The following CCDC60 variants were observed in gnomAD, a reference collection of about 807,000 sequenced individuals.
CCDC60 encodes coiled-coil domain-containing protein 60.
In CCDC60, 54 loss-of-function variants were observed where a neutral mutation model predicts 63.5. The ratio of observed to expected loss-of-function variants is 0.85; its 90% CI spans 0.68 to 1.07. The LOEUF (loss-of-function observed/expected upper bound fraction) is 1.07, where lower values mean the gene tolerates loss of function less well. CCDC60 is among the 50% of genes least tolerant of loss of function. The pLI is 0.00. For missense variants in CCDC60, 651 were observed against 684.3 expected (o/e 0.95, Z 0.54); for synonymous variants, 206 against 238.8 (o/e 0.86, Z 1.27).
intron 1 of CCDC60, among the ~76,000 whole-genome samples, chr12:119,355,285 C>T (rs183584640): frequency 1.3e-5 from 2 of 152,306 alleles, no homozygotes; most frequent in East Asian, 1.9e-4. Flanking sequence ...CAGGCACATA[C>T]TCAGAGCTCA....
chr12:119,408,104 T>G (rs188760804), intron 1 of CCDC60, among the ~76,000 whole-genome samples: 1 of 152,236 alleles, frequency 6.6e-6, no homozygotes, highest in Non-Finnish European at 1.5e-5. Context: ...GAGACTGTTA[T>G]AGTCAAAGAA....
At chr12:119,356,351 C>T (rs1955718335) in intron 1 of CCDC60, among the ~76,000 whole-genome samples, 1 of 151,932 alleles carries the variant, frequency 6.6e-6, no homozygotes, top group Non-Finnish European at 1.5e-5. Flanking sequence ...CATAGTTATC[C>T]ATTTCATTTC....
intron 9 of CCDC60, among the ~76,000 whole-genome samples, 194 bp downstream of exon 9, chr12:119,520,386 A>G (rs1207158911): frequency 1.3e-5 from 2 of 151,980 alleles, no homozygotes; most frequent in East Asian, 1.9e-4. Context: ...TTTCTCCCCA[A>G]CAATTATATA....
chr12:119,540,862 C>T lies in CCDC60; in HGVS notation c.*147C>T, dbSNP rs1232567282. Reference sequence around the variant, plus strand: ...TACAGTAGGGTCATCTGGAGACTGACTTCCAGCAACATTTTTAGAGGGGGA... The same window carrying T: ...TACAGTAGGGTCATCTGGAGACTGATTTCCAGCAACATTTTTAGAGGGGGA... On this transcript the variant is annotated 3_prime_UTR_variant, in exon 14 of 14. Coordinates refer to ENST00000327554, the MANE Select transcript of CCDC60 (RefSeq NM_178499.5). The T allele has an allele frequency of 3.4e-6, 2 of 579,872 alleles. No individual in the cohort carries two copies. The highest frequency in any genetic ancestry group is 1.9e-5 in the African/African-American group (1 of 52,520). The allele number at this position is 579,872 out of a possible 1,614,324, so 35.9% of individuals were successfully genotyped here. A position where few individuals can be genotyped will look rare whatever the true frequency, so the allele number is the denominator to read the frequency against.
At position 119,500,182 on chromosome 12, in the gene CCDC60, C is replaced by G; in HGVS notation, c.648+14C>G. 2.6e-6 allele frequency: 4 copies of G among 1,537,740 alleles called. No individual in the cohort carries two copies. The highest frequency in any genetic ancestry group is 3.6e-6 in the Non-Finnish European group (4 of 1,115,860). ...ACAGCGCCAAAGGTAACCAACAACA[C>G]GCGACTCAACCCTTTGGCTCCTAGG... On this transcript the variant is annotated intron_variant, in intron 6 of 13. Transcript: ENST00000327554.
intron 1 of CCDC60, among the ~76,000 whole-genome samples, chr12:119,384,169 C>CTAGG (rs1223304090): frequency 6.6e-6 from 1 of 151,422 alleles, no homozygotes; most frequent in East Asian, 1.9e-4. Context: ...ACACTCCAGC[C>CTAGG]TAGGGGACAG....
chr12:119,427,731 A>T (rs998919864), intron 1 of CCDC60, among the ~76,000 whole-genome samples: 3 of 149,344 alleles, frequency 2.0e-5, no homozygotes, highest in Non-Finnish European at 2.9e-5. Context: ...TTTTTTATTT[A>T]AAAAAAATCC....
At position 119,387,032 on chromosome 12, in the gene CCDC60, TCTCA is replaced by T. The variant is rs1213283606; in HGVS notation, c.91-41649_91-41646del. Reference sequence around the variant, plus strand: ...CTCTCCCTCCCTCCCCCTCTGTCTCTCTCACACACACACACACACACACACACAC... The same window carrying T: ...CTCTCCCTCCCTCCCCCTCTGTCTCTCACACACACACACACACACACACAC... On this transcript the variant is annotated intron_variant, in intron 1 of 13. Transcript: ENST00000327554. 4.8e-3 allele frequency among the ~76,000 whole-genome samples: 574 copies of T among 120,254 alleles called. 8 individuals carry two copies. Among genetic ancestry groups the T allele is most frequent in the South Asian group, 0.02 (66 of 3,340 alleles). The allele number at this position is 120,254 out of a possible 152,430, so 78.9% of individuals were successfully genotyped here. A position where few individuals can be genotyped will look rare whatever the true frequency, so the allele number is the denominator to read the frequency against.
chr12:119,344,855 T>TCACACACACACACACACACACACACA (rs1199779284), intron 1 of CCDC60, among the ~76,000 whole-genome samples: 2 of 114,798 alleles, frequency 1.7e-5, no homozygotes, highest in Non-Finnish European at 1.7e-5. Context: ...TCTCTCTCTC[T>TCACACACACACACACACACACACACA]CACACACACA....
chr12:119,527,751 A>G (rs895313799), intron 11 of CCDC60, among the ~76,000 whole-genome samples: 3 of 134,480 alleles, frequency 2.2e-5, no homozygotes, highest in African/African-American at 8.6e-5. Flanking sequence ...ATCTCGGCTC[A>G]CTGCAAGCTC....
intron 2 of CCDC60, among the ~76,000 whole-genome samples, chr12:119,465,051 C>A (rs1224631570): frequency 1.2e-4 from 19 of 152,238 alleles, no homozygotes; most frequent in African/African-American, 4.6e-4. Context: ...GTGGCTCATG[C>A]CTGTAATCCC....
intron 1 of CCDC60, among the ~76,000 whole-genome samples, chr12:119,385,459 G>A (rs185844293): frequency 2.0e-5 from 3 of 152,292 alleles, no homozygotes; most frequent in Non-Finnish European, 4.4e-5. Context: ...TAAGTCTCAC[G>A]AGATCTGATG....
At chr12:119,523,278 G>A (rs971075229) in intron 10 of CCDC60, among the ~76,000 whole-genome samples, 2 of 152,210 alleles carry the variant, frequency 1.3e-5, no homozygotes, top group African/African-American at 2.4e-5. Context: ...AATCCTATGA[G>A]GCAGGAGGAC....
intron 13 of CCDC60, among the ~76,000 whole-genome samples, chr12:119,532,030 C>T (rs1306228710): frequency 6.6e-6 from 1 of 152,182 alleles, no homozygotes; most frequent in African/African-American, 2.4e-5. Flanking sequence ...TTGACATTTT[C>T]ATACCAGGAG....
intron 2 of CCDC60, among the ~76,000 whole-genome samples, chr12:119,435,028 C>T (rs1389084744): frequency 6.6e-6 from 1 of 152,178 alleles, no homozygotes; most frequent in Non-Finnish European, 1.5e-5. Context: ...CAGCAGTGAA[C>T]TGGGGAGAAG....
rs1361649160 is a variant in CCDC60 at position 119,448,787 on chromosome 12, G to A, written c.170+20025G>A. On this transcript the variant is annotated intron_variant, in intron 2 of 13. Transcript: ENST00000327554. ...TAGCAGTTGCCTAGAAACCAGAGCT[G>A]TGGTGGGCTTCTGCTGCCTTCCAGA... Among the ~76,000 whole-genome samples, 4 of 152,200 alleles carry A rather than the reference G, an allele frequency of 2.6e-5. No individual in the cohort carries two copies. In the East Asian group the frequency reaches 5.8e-4, roughly 22 times the overall value.
intron 7 of CCDC60, among the ~76,000 whole-genome samples, chr12:119,511,726 G>A (rs937587720): frequency 6.6e-6 from 1 of 152,236 alleles, no homozygotes; most frequent in African/African-American, 2.4e-5. Context: ...AGGACTGCTT[G>A]ATGTGCCAGG....
rs767474920 is a variant in CCDC60 at position 119,472,176 on chromosome 12, C to G, written c.341+12C>G. On this transcript the variant is annotated intron_variant, in intron 3 of 13. Transcript: ENST00000327554. ...GACACCTTATTGAGGTAAGTGGATG[C>G]AGTAGCTGTGGCACTGAAGGTTTTG... The G allele has an allele frequency of 1.2e-6, 2 of 1,612,144 alleles. No individual in the cohort carries two copies. Among genetic ancestry groups the G allele is most frequent in the Non-Finnish European group, 1.7e-6 (2 of 1,178,788 alleles).
chr12:119,358,510 C>G (rs1443272276), intron 1 of CCDC60, among the ~76,000 whole-genome samples: 2 of 152,126 alleles, frequency 1.3e-5, no homozygotes, highest in Non-Finnish European at 2.9e-5. Context: ...TATAAATTAC[C>G]CAGTCTCAAG....
Sources: gnomAD v4.1 joint callset for allele counts (sites outside exome capture counted in the v4.1 genomes callset) on GRCh38, gnomAD v4.1.1 for gene constraint, MANE v1.5 for transcripts, NCBI Gene and HGNC (gene_info 2026-07-23, HGNC 2026-07-21) for gene names.